Variants in HTR2C observed in about 807,000 individuals in gnomAD.
HTR2C encodes the protein 5-hydroxytryptamine receptor 2C, also known as 5-hydroxytryptamine (serotonin) receptor 2C, G protein-coupled.
In HTR2C, 5 loss-of-function variants were observed where a neutral mutation model predicts 21.0. That is an observed-to-expected ratio of 0.24 (90% CI 0.12 to 0.50). HTR2C has a LOEUF of 0.50. HTR2C is among the 20% of genes least tolerant of loss of function. HTR2C has a pLI of 0.98. For missense variants in HTR2C, 271 were observed against 371.2 expected, an observed-to-expected ratio of 0.73 and a Z score of 2.22; for synonymous variants, 150 against 145.3, an observed-to-expected ratio of 1.03 and a Z score of -0.23.
intron 5 of HTR2C, among the ~76,000 whole-genome samples, chrX:114,872,541 C>A (rs1282995408): frequency 9.1e-6 from 1 of 109,922 alleles, no homozygotes; most frequent in Admixed American, 9.8e-5. Flanking sequence ...AAAAATCCCT[C>A]GTGATTCTTC....
At chrX:114,837,321 G>T (rs1273786838) in intron 4 of HTR2C, among the ~76,000 whole-genome samples, 2 of 111,628 alleles carry the variant, frequency 1.8e-5, no homozygotes, top group African/African-American at 6.5e-5. Flanking sequence ...TCTACATTGT[G>T]CCATCCAAAG....
intron 2 of HTR2C, among the ~76,000 whole-genome samples, chrX:114,699,131 A>G: frequency 8.5e-5 from 1 of 11,710 alleles, no homozygotes; most frequent in South Asian, 5.0e-3. Context: ...AATGTCCTCC[A>G]AATTTTCTTT....
chrX:114,654,319 A>G (rs1224160944), intron 2 of HTR2C, among the ~76,000 whole-genome samples: 1 of 107,689 alleles, frequency 9.3e-6, no homozygotes, highest in African/African-American at 3.3e-5. Flanking sequence ...TATATCATAT[A>G]TATAATTTTT....
intron 5 of HTR2C, among the ~76,000 whole-genome samples, chrX:114,872,636 A>G (rs1004912990): frequency 9.0e-6 from 1 of 110,637 alleles, no homozygotes; most frequent in East Asian, 2.8e-4. Context: ...GATTTCTACT[A>G]TTTTTCCATT....
intron 2 of HTR2C, among the ~76,000 whole-genome samples, chrX:114,686,739 G>C (rs1171237458): frequency 9.2e-6 from 1 of 109,197 alleles, no homozygotes; most frequent in African/African-American, 3.3e-5. Context: ...AATACTTATG[G>C]CACACATCAA....
At chrX:114,794,684 T>C (rs1556444661) in intron 4 of HTR2C, among the ~76,000 whole-genome samples, 2 of 108,687 alleles carry the variant, frequency 1.8e-5, no homozygotes, top group Non-Finnish European at 3.8e-5. Flanking sequence ...GTTTCATCCA[T>C]GTCCCTACGA....
At chrX:114,735,997 C>T (rs1053597788) in intron 4 of HTR2C, among the ~76,000 whole-genome samples, 4 of 109,956 alleles carry the variant, frequency 3.6e-5, no homozygotes, top group African/African-American at 1.3e-4. Context: ...CCTGTGGTCC[C>T]AGCTACTCGG....
intron 4 of HTR2C, among the ~76,000 whole-genome samples, chrX:114,790,173 A>G (rs1217133928): frequency 2.7e-5 from 3 of 111,815 alleles, no homozygotes; most frequent in Non-Finnish European, 5.6e-5. Flanking sequence ...AAATATCTGT[A>G]TGGTACATGG....
intron 1 of HTR2C, among the ~76,000 whole-genome samples, chrX:114,606,812 A>G (rs1176747673): frequency 1.8e-5 from 2 of 111,555 alleles, no homozygotes; most frequent in Admixed American, 9.4e-5. Context: ...GTCCGTGTGA[A>G]GAGACCACTA....
chrX:114,900,173 A>G (rs781866382), intron 5 of HTR2C, among the ~76,000 whole-genome samples: 7 of 111,781 alleles, frequency 6.3e-5, no homozygotes, highest in Non-Finnish European at 1.3e-4. Flanking sequence ...AAACTGCCAC[A>G]TGCAAAAAAA....
At chrX:114,709,802 CCTT>C (rs1290489337) in intron 2 of HTR2C, among the ~76,000 whole-genome samples, 1 of 111,421 alleles carries the variant, frequency 9.0e-6, no homozygotes, top group Non-Finnish European at 1.9e-5. Context: ...TGCCTGAGTT[CCTT>C]CTTTGAATAT....
At chrX:114,801,378 T>C (rs1220244501) in intron 4 of HTR2C, among the ~76,000 whole-genome samples, 1 of 111,437 alleles carries the variant, frequency 9.0e-6, no homozygotes, top group African/African-American at 3.3e-5. Flanking sequence ...GGTATCCTGA[T>C]GTGGTAAAAT....
intron 4 of HTR2C, among the ~76,000 whole-genome samples, chrX:114,745,185 T>C (rs1476218240): frequency 8.9e-6 from 1 of 112,241 alleles, no homozygotes; most frequent in African/African-American, 3.2e-5. Context: ...TAAACAGGCA[T>C]ATGAGAAGGT....
chrX:114,768,358 T>C (rs1259950353), intron 4 of HTR2C, among the ~76,000 whole-genome samples: 4 of 111,293 alleles, frequency 3.6e-5, no homozygotes, highest in African/African-American at 1.3e-4. Flanking sequence ...AATTTTAACT[T>C]ACTATACAAT....
intron 2 of HTR2C, among the ~76,000 whole-genome samples, chrX:114,662,234 T>C (rs1931016374): frequency 8.9e-6 from 1 of 111,822 alleles, no homozygotes; most frequent in Admixed American, 9.5e-5. Context: ...GGTATAGGGT[T>C]ACTGAATATT....
chrX:114,827,790 T>C (rs2070690121), intron 4 of HTR2C, among the ~76,000 whole-genome samples: 1 of 111,547 alleles, frequency 9.0e-6, no homozygotes. Flanking sequence ...GCTCCTTTCT[T>C]TCAGGCTTTT....
intron 4 of HTR2C, among the ~76,000 whole-genome samples, chrX:114,837,881 T>G (rs1316221486): frequency 9.0e-6 from 1 of 111,537 alleles, no homozygotes; most frequent in Non-Finnish European, 1.9e-5. Flanking sequence ...TGTATTGCTA[T>G]TTATAATATT....
At chrX:114,902,495 A>G (rs1263673320) in intron 5 of HTR2C, among the ~76,000 whole-genome samples, 2 of 111,960 alleles carry the variant, frequency 1.8e-5, no homozygotes, top group Admixed American at 9.5e-5. Flanking sequence ...TTCAATAATA[A>G]TAATAAACCC....
intron 5 of HTR2C, among the ~76,000 whole-genome samples, chrX:114,863,931 G>C (rs151049306): frequency 9.0e-6 from 1 of 110,631 alleles, no homozygotes; most frequent in African/African-American, 3.3e-5. Flanking sequence ...TGAAGTCTAC[G>C]TTACCAGATA....
Sources: allele counts gnomAD v4.1 joint callset (sites outside exome capture counted in the v4.1 genomes callset), GRCh38; gene constraint gnomAD v4.1.1; transcripts MANE v1.5; gene names NCBI Gene and HGNC (gene_info 2026-07-23, HGNC 2026-07-21).